TFR2: variants seen among roughly 807,000 people sequenced by gnomAD.
TFR2 encodes the protein transferrin receptor 2, also known as transferrin receptor protein 2.
A neutral mutation model predicts 91.9 loss-of-function variants in TFR2; 64 were observed. The observed-to-expected ratio is 0.70, with a 90% CI of 0.57 to 0.86. The LOEUF is 0.86. Ranked by LOEUF, TFR2 falls within the 40% of genes least tolerant of loss-of-function variation. The pLI is 0.00. For synonymous variants in TFR2, 454 were observed against 459.6 expected, an observed-to-expected ratio of 0.99 and a Z score of 0.15; for missense variants, 950 against 1,080.5, an observed-to-expected ratio of 0.88 and a Z score of 1.69.
chr7:100,637,768 G>A (rs1178812060), intron 3 of TFR2, among the ~76,000 whole-genome samples: 2 of 151,786 alleles, frequency 1.3e-5, no homozygotes, highest in Non-Finnish European at 2.9e-5. Flanking sequence ...AGCCCAGATT[G>A]CACCACTGCA....
intron 17 of TFR2, among the ~76,000 whole-genome samples, chr7:100,623,102 G>A (rs201635307): frequency 1.2e-4 from 18 of 151,600 alleles, no homozygotes; most frequent in Admixed American, 2.6e-4. Context: ...GCGAAACCCC[G>A]TCTCTACTAA....
intron 17 of TFR2, among the ~76,000 whole-genome samples, chr7:100,625,976 A>G (rs1206942593): frequency 6.6e-6 from 1 of 152,200 alleles, no homozygotes; most frequent in South Asian, 2.1e-4. Context: ...AGGGGTAGCC[A>G]TGCTGGCTCT....
chr7:100,630,999 GA>G lies in TFR2; in HGVS notation c.1159del (p.Ser387ProfsTer13), dbSNP rs1481229440. On this transcript the variant is annotated frameshift_variant, in exon 9 of 18. Transcript: ENST00000223051. LOFTEE classifies it high-confidence loss of function. The stretch of plus-strand genomic sequence containing the variant: ...TGGCCCGGGGCCCAGGTGATAAGGG[GA>G]GCCTAGGAGGCTCCCCTGCCATTCT... The part of the protein sequence containing the change: ...PQEWQGSLLG[S>X]PYHLGPGPRL... The G allele has an allele frequency of 1.3e-6, 2 of 1,569,056 alleles. No homozygotes were observed. Among genetic ancestry groups the G allele is most frequent in the Non-Finnish European group, 1.7e-6 (2 of 1,160,176 alleles).
intron 17 of TFR2, among the ~76,000 whole-genome samples, chr7:100,623,332 T>A (rs1245651085): frequency 6.6e-6 from 1 of 152,184 alleles, no homozygotes; most frequent in African/African-American, 2.4e-5. Flanking sequence ...CTAAGACAAC[T>A]ATTATTATTA....
At chr7:100,625,650 G>A (rs1174710808) in intron 17 of TFR2, among the ~76,000 whole-genome samples, 2 of 152,132 alleles carry the variant, frequency 1.3e-5, no homozygotes, top group African/African-American at 2.4e-5. Context: ...TTGGGAGGCC[G>A]AGGCAGGAGG....
rs1246737417 is a variant in TFR2 at position 100,627,383 on chromosome 7, C to T, written c.1876G>A (p.Ala626Thr). ...PAVAQAVAQLAGQLLIRLSHD... is the reference protein window; with the variant it reads ...PAVAQAVAQLTGQLLIRLSHD... ...CTGAGCCGGATGAGGAGCTGCCCTG[C>T]GAGCTGGGCCACGGCCTGGGCCACG... Residue 626 changes from alanine to threonine, a missense_variant, in exon 16 of 18, where the codon GCA becomes ACA. Ala to Thr is a moderately conservative substitution (Grantham distance 58, BLOSUM62 0). Transcript: ENST00000223051. 9.6e-6 allele frequency: 15 copies of T among 1,557,618 alleles called. No individual in the cohort carries two copies. The highest frequency in any genetic ancestry group is 7.2e-5 in the East Asian group (3 of 41,594).
At chr7:100,632,776 T>C in intron 6 of TFR2, 1 of 411,908 alleles carries the variant, frequency 2.4e-6, no homozygotes, top group Non-Finnish European at 4.5e-6. Context: ...GAGGGGGTTC[T>C]CACCGTGTTG....
chr7:100,637,323 C>T (rs111500063), intron 3 of TFR2, among the ~76,000 whole-genome samples: 69 of 151,820 alleles, frequency 4.5e-4, no homozygotes, highest in African/African-American at 1.4e-3. Context: ...CGCTTGAACC[C>T]GGGAGGCGGA....
chr7:100,636,676 G>T (rs1014144395), intron 3 of TFR2, among the ~76,000 whole-genome samples: 2 of 151,878 alleles, frequency 1.3e-5, no homozygotes, highest in Non-Finnish European at 2.9e-5. Flanking sequence ...AACTCCCCCA[G>T]TTATCCTCGC....
intron 5 of TFR2, 40 bp from the exon 6 acceptor site, chr7:100,633,163 C>G: frequency 6.2e-7 from 1 of 1,612,472 alleles, no homozygotes; most frequent in Non-Finnish European, 8.5e-7. Flanking sequence ...CCCCGCGTCC[C>G]TCCTTCGAGA....
chr7:100,627,145 G>A (rs549464233), intron 16 of TFR2, 119 bp downstream of exon 16: 3 of 1,303,630 alleles, frequency 2.3e-6, no homozygotes, highest in Non-Finnish European at 3.2e-6. Flanking sequence ...GGGGGTTAAT[G>A]GGCTGGATTG....
At chr7:100,638,144 T>C (rs561652262) in intron 3 of TFR2, among the ~76,000 whole-genome samples, 2,060 of 152,016 alleles carry the variant, frequency 0.014, 20 homozygotes, top group Non-Finnish European at 0.021. Flanking sequence ...GCTGGGACTA[T>C]AGGTGCCCGC....
rs757380471 is a variant in TFR2 at position 100,621,175 on chromosome 7, G to C, written c.2137-49C>G. On this transcript the variant is annotated intron_variant, in intron 17 of 17. Coordinates refer to ENST00000223051, the MANE Select transcript of TFR2 (RefSeq NM_003227.4). ...CAGGGTTGGGGGCTCTGGCTCGGGAGCAAAGGCCCGAGTCACCCTTCCCGC... is the reference window on the plus strand; with the variant it reads ...CAGGGTTGGGGGCTCTGGCTCGGGACCAAAGGCCCGAGTCACCCTTCCCGC... The C allele has an allele frequency of 1.4e-5, 20 of 1,443,392 alleles. No homozygotes were observed. The African/African-American group carries it at 2.9e-4, about 21-fold the overall frequency. The allele number at this position is 1,443,392 out of a possible 1,614,324, so 89.4% of individuals were successfully genotyped here.
chr7:100,641,070 A>C lies in TFR2; in HGVS notation c.192T>G (p.Ser64=). 1 of 1,603,668 alleles carries C rather than the reference A, an allele frequency of 6.2e-7. No individual in the cohort carries two copies. The highest frequency in any genetic ancestry group is 1.7e-4 in the Middle Eastern group (1 of 6,006). The change falls in exon 2 of 18, where the codon TCT becomes TCG. Residue 64 remains serine (S), a synonymous_variant. Transcript: ENST00000223051. ...MELRGPEPLG[S]RPRQPNLIPW... ...GAATGAGGTTTGGCTGCCTGGGTCT[A>C]GAGCCCAGGGGCTCAGGGCCCCTCA... is the stretch of plus-strand genomic sequence containing the variant.
chr7:100,632,185 T>A lies in TFR2; in HGVS notation c.863A>T (p.Gln288Leu). 1.2e-6 allele frequency: 2 copies of A among 1,614,014 alleles called. No individual in the cohort carries two copies. Among genetic ancestry groups the A allele is most frequent in the Middle Eastern group, 3.3e-4 (2 of 6,062 alleles). Residue 288 changes from glutamine (Q) to leucine (L), a missense_variant, in exon 7 of 18, where the codon CAG becomes CTG. Coordinates refer to ENST00000223051, the MANE Select transcript of TFR2 (RefSeq NM_003227.4). ...GAGCACTCCTTGAGCCCCGAAGTCC[T>A]GAGCATTGGTCACCTGGGGAGGAAG... The part of the protein sequence containing the change: ...ISFAQKVTNA[Q>L]DFGAQGVLIY...
chr7:100,625,218 C>T lies in TFR2; in HGVS notation c.2136+1545G>A, dbSNP rs966943027. Among the ~76,000 whole-genome samples the T allele has an allele frequency of 8.6e-5, 13 of 151,980 alleles. No homozygotes were observed. In the South Asian group the frequency reaches 2.5e-3, roughly 29 times the overall value. On this transcript the variant is annotated intron_variant, in intron 17 of 17. Coordinates refer to ENST00000223051, the MANE Select transcript of TFR2 (RefSeq NM_003227.4). ...GGGATTACAGGCGTGTGCCACCATG[C>T]CCAGCTAATTTTGTATTTTTAGTAG...
chr7:100,627,114 G>A, intron 16 of TFR2, 150 bp downstream of exon 16: 1 of 1,214,458 alleles, frequency 8.2e-7, no homozygotes. Flanking sequence ...GCACATGCTG[G>A]GGGCTGGGAG....
Position 100,633,535 on chromosome 7 carries a change from C to G in TFR2, c.495G>C (p.Arg165=). 6.2e-7 allele frequency: 1 copy of G among 1,606,434 alleles called. No individual in the cohort carries two copies. Residue 165 remains arginine, a synonymous_variant, in exon 4 of 18, where the codon CGG becomes CGC. Coordinates refer to ENST00000223051, the MANE Select transcript of TFR2 (RefSeq NM_003227.4). ...DTIRQTSLRE[R]VAGSAGMAAL... is the part of the protein sequence containing the mutation. ...CGGCCATCCCGGCCGAGCCTGCCAC[C>G]CGTTCCCGAAGGCTGGTTTGCCTAA...
intron 12 of TFR2, 22 bp from the exon 13 acceptor site, chr7:100,627,996 G>T: frequency 6.2e-7 from 1 of 1,614,074 alleles, no homozygotes. Flanking sequence ...GGAGGGGAGG[G>T]ATGCCAGGCT....
Sources: gnomAD v4.1 joint callset for allele counts (sites outside exome capture counted in the v4.1 genomes callset) on GRCh38, gnomAD v4.1.1 for gene constraint, MANE v1.5 for transcripts, NCBI Gene and HGNC (gene_info 2026-07-23, HGNC 2026-07-21) for gene names.